OSBPL6: variants seen among roughly 807,000 people sequenced by gnomAD.
The protein encoded by OSBPL6 is oxysterol binding protein like 6.
A neutral mutation model predicts 125.8 loss-of-function variants in OSBPL6; 49 were observed. The ratio of observed to expected loss-of-function variants is 0.39; its 90% confidence interval spans 0.31 to 0.49. The LOEUF (loss-of-function observed/expected upper bound fraction) is 0.49. Among genes scored for constraint, OSBPL6 ranks in the 20% least tolerant of loss-of-function variants. The probability of loss-of-function intolerance (pLI) is 0.88; values close to 1 mark genes in which losing one functional copy is unlikely to be tolerated. For missense variants in OSBPL6, 986 were observed against 1,135.4 expected (o/e 0.87, Z 1.89); for synonymous variants, 394 against 391.8 (o/e 1.01, Z -0.07).
At chr2:178,306,424 G>A (rs1376297612) in intron 3 of OSBPL6, 138 bp downstream of exon 3, 24 of 614,760 alleles carry the variant, frequency 3.9e-5, no homozygotes, top group Non-Finnish European at 6.4e-5. Flanking sequence ...TTTTCTGTAG[G>A]TACGTTCATT....
intron 1 of OSBPL6, among the ~76,000 whole-genome samples, chr2:178,273,351 G>A (rs149548651): frequency 0.012 from 1,768 of 152,262 alleles, 32 homozygotes; most frequent in African/African-American, 0.041. Flanking sequence ...CACTTTGGGA[G>A]GCCAAGGCAG....
chr2:178,309,875 G>A lies in OSBPL6; in HGVS notation c.102+3589G>A, dbSNP rs536621825. On this transcript the variant is annotated intron_variant, in intron 3 of 24. Coordinates refer to ENST00000190611, the MANE Select transcript of OSBPL6 (RefSeq NM_032523.4). Reference sequence around the variant, plus strand: ...CCAATAAACCAGCATTCCCCAAAGTGTGTGCCGAGGAATGCTTGCCACTTG... The same window carrying A: ...CCAATAAACCAGCATTCCCCAAAGTATGTGCCGAGGAATGCTTGCCACTTG... Among the ~76,000 whole-genome samples the A allele has an allele frequency of 3.3e-5, 5 of 152,352 alleles. No homozygotes were observed. In the East Asian group the frequency reaches 9.6e-4, roughly 29 times the overall value.
At chr2:178,254,446 T>G (rs1395580338) in intron 1 of OSBPL6, among the ~76,000 whole-genome samples, 1 of 151,756 alleles carries the variant, frequency 6.6e-6, no homozygotes, top group African/African-American at 2.4e-5. Context: ...TTACCCAATT[T>G]CAGATATTCT....
chr2:178,323,928 A>T, intron 3 of OSBPL6: 1 of 311,610 alleles, frequency 3.2e-6, no homozygotes, highest in Non-Finnish European at 6.0e-6. Flanking sequence ...TTCGAGAGAT[A>T]TTCCTCTGAC....
intron 2 of OSBPL6, among the ~76,000 whole-genome samples, chr2:178,296,328 C>G (rs949039371): frequency 6.6e-6 from 1 of 152,122 alleles, no homozygotes; most frequent in Admixed American, 6.6e-5. Context: ...TTATTACTAT[C>G]CCTGTTTTAT....
At chr2:178,334,944 C>T (rs551363024) in intron 8 of OSBPL6, among the ~76,000 whole-genome samples, 24 of 152,046 alleles carry the variant, frequency 1.6e-4, no homozygotes, top group Non-Finnish European at 3.2e-4. Flanking sequence ...AAAAAGGGAA[C>T]GAACCATCTG....
Position 178,389,052 on chromosome 2 carries a change from C to T in OSBPL6, c.2200C>T (p.His734Tyr). 6.2e-7 allele frequency: 1 copy of T among 1,613,924 alleles called. No individual in the cohort carries two copies. Among genetic ancestry groups the T allele is most frequent in the Non-Finnish European group, 8.5e-7 (1 of 1,179,900 alleles). The change falls in exon 21 of 25, where the codon CAC (histidine) becomes TAC (tyrosine). Residue 734 changes from histidine (H) to tyrosine (Y), a missense_variant. Coordinates refer to ENST00000190611, the MANE Select transcript of OSBPL6 (RefSeq NM_032523.4). ...YVWNKVTTCI[H>Y]NILSGRRWIE... ...GTGGAATAAAGTCACCACTTGCATA[C>T]ACAACATCCTCAGTGGGAGAAGATG...
chr2:178,336,301 A>T lies in OSBPL6; in HGVS notation c.658A>T (p.Met220Leu). 6.2e-7 allele frequency: 1 copy of T among 1,613,610 alleles called. No homozygotes were observed. Residue 220 changes from methionine (M) to leucine (L), a missense_variant and splice_region_variant, in exon 9 of 25, where the codon ATG becomes TTG. Physicochemically the swap from Met to Leu is conservative, Grantham distance 15 (BLOSUM62 2). Around this residue, in one of 3 missense-constraint regions of OSBPL6, gnomAD observed 843 missense variants for 997.3 expected, o/e 0.85. Coordinates refer to ENST00000190611, the MANE Select transcript of OSBPL6 (RefSeq NM_032523.4). ...TACAATTCATCTTTGTTTGCCGTAG[A>T]TGCAACCAAACAGCTTTCCGTGGCA... ...AANVSVMDGK[M>L]QPNSFPWQSP...
At chr2:178,344,590 C>T (rs1190722489) in intron 11 of OSBPL6, among the ~76,000 whole-genome samples, 1 of 152,138 alleles carries the variant, frequency 6.6e-6, no homozygotes, top group Non-Finnish European at 1.5e-5. Flanking sequence ...TTCTACTATA[C>T]ATGAAGACAT....
chr2:178,229,610 TTTTGAGCTCAGGAG>T (rs2090728818), intron 1 of OSBPL6, among the ~76,000 whole-genome samples: 1 of 152,186 alleles, frequency 6.6e-6, no homozygotes, highest in Admixed American at 6.5e-5. Flanking sequence ...CGAGTGGATC[TTTTGAGCTCAGGAG>T]TTTGTGACTG....
intron 2 of OSBPL6, among the ~76,000 whole-genome samples, chr2:178,287,289 C>G (rs924111071): frequency 3.3e-5 from 5 of 152,202 alleles, no homozygotes; most frequent in South Asian, 2.1e-4. Flanking sequence ...ATTTCTCCCC[C>G]CTAGATACAT....
intron 1 of OSBPL6, among the ~76,000 whole-genome samples, chr2:178,284,302 C>T (rs1684491935): frequency 1.3e-5 from 2 of 152,178 alleles, no homozygotes; most frequent in South Asian, 4.1e-4. Flanking sequence ...CCTGTAATCC[C>T]AGCCCTTTGG....
chr2:178,378,448 A>G (rs555935770), intron 15 of OSBPL6, among the ~76,000 whole-genome samples: 3 of 152,316 alleles, frequency 2.0e-5, no homozygotes, highest in Admixed American at 1.3e-4. Context: ...TTTATATGTT[A>G]TTTACCAATG....
Position 178,332,717 on chromosome 2 carries a change from T to C in OSBPL6, c.449T>C (p.Ile150Thr), listed in dbSNP as rs752036909. ...TCAATTAAAAAGAAAGCTCGAAGAATAGACCTTGACACCGAAGAGCACATC... is the reference window on the plus strand; with the variant it reads ...TCAATTAAAAAGAAAGCTCGAAGAACAGACCTTGACACCGAAGAGCACATC... ...VMSIKKKARRIDLDTEEHIYH... is the reference protein window; with the variant it reads ...VMSIKKKARRTDLDTEEHIYH... Residue 150 changes from isoleucine to threonine, a missense_variant, in exon 7 of 25, where the codon ATA becomes ACA. Ile to Thr is a moderately conservative substitution (Grantham distance 89). Around this residue, in one of 3 missense-constraint regions of OSBPL6, gnomAD observed 843 missense variants for 997.3 expected, o/e 0.85. Coordinates refer to ENST00000190611, the MANE Select transcript of OSBPL6 (RefSeq NM_032523.4). 1 of 1,614,190 alleles carries C rather than the reference T, an allele frequency of 6.2e-7. No homozygotes were observed. The highest frequency in any genetic ancestry group is 1.1e-5 in the South Asian group (1 of 91,086).
At position 178,218,923 on chromosome 2, in the gene OSBPL6, CA is replaced by C. The variant is rs148151912; in HGVS notation, c.-351+24250del. Among the ~76,000 whole-genome samples the C allele has an allele frequency of 2.1e-3, 320 of 152,260 alleles. 2 individuals are homozygous for C. Among genetic ancestry groups the C allele is most frequent in the African/African-American group, 7.5e-3 (311 of 41,546 alleles). On this transcript the variant is annotated intron_variant, in intron 1 of 24. Transcript: ENST00000190611. ...GATTACAGATGTGAGCCACCACACC[CA>C]GCCTATCCCTGCTCCTTTTTATTAG... is the stretch of plus-strand genomic sequence containing the variant.
Position 178,401,898 on chromosome 2 carries a change from T to G in OSBPL6, c.*6339T>G, listed in dbSNP as rs1696111630. On this transcript the variant is annotated 3_prime_UTR_variant, in exon 25 of 25. Coordinates refer to ENST00000190611, the MANE Select transcript of OSBPL6 (RefSeq NM_032523.4). ...TCCTTTGTCCCTGTGCCTCAGTCTT[T>G]TTTGTTTGTTTTTTTTCATGTGACA... 6.6e-6 allele frequency: 1 copy of G among 152,222 alleles called. No individual in the cohort carries two copies. Among genetic ancestry groups the G allele is most frequent in the Admixed American group, 6.5e-5 (1 of 15,272 alleles). The allele number at this position is 152,222 out of a possible 1,614,324, so 9.4% of individuals were successfully genotyped here. A position where few individuals can be genotyped will look rare whatever the true frequency, so the allele number is the denominator to read the frequency against.
chr2:178,306,337 CACT>C, intron 3 of OSBPL6, 51 bp downstream of exon 3: 1 of 1,082,264 alleles, frequency 9.2e-7, no homozygotes, highest in African/African-American at 1.6e-5. Flanking sequence ...AATGCAATAC[CACT>C]GAGATAGGAT....
At chr2:178,360,563 T>C (rs927406724) in intron 12 of OSBPL6, among the ~76,000 whole-genome samples, 2 of 152,166 alleles carry the variant, frequency 1.3e-5, no homozygotes, top group Non-Finnish European at 2.9e-5. Context: ...CTTAAATACA[T>C]ACACAATAAA....
chr2:178,314,387 C>T (rs1272912921), intron 3 of OSBPL6, among the ~76,000 whole-genome samples: 1 of 152,154 alleles, frequency 6.6e-6, no homozygotes, highest in Non-Finnish European at 1.5e-5. Context: ...ACCCTGGAAC[C>T]CAGCTGTCAG....
Sources: gnomAD v4.1 joint callset for allele counts (sites outside exome capture counted in the v4.1 genomes callset) on GRCh38, gnomAD v4.1.1 for gene constraint, gnomAD v4.1.1 regional missense constraint, MANE v1.5 for transcripts, NCBI Gene and HGNC (gene_info 2026-07-23, HGNC 2026-07-21) for gene names.